Variants in TENM3 observed in about 807,000 individuals in gnomAD.
TENM3 encodes the protein teneurin transmembrane protein 3.
A neutral mutation model predicts 255.1 loss-of-function variants in TENM3; 63 were observed. The ratio of observed to expected loss-of-function variants is 0.25; its 90% CI spans 0.20 to 0.30. TENM3 has a LOEUF of 0.30. Ranked by LOEUF, TENM3 falls within the 10% of genes least tolerant of loss-of-function variation. TENM3 has a pLI of 1.00. For synonymous variants in TENM3, 1,306 were observed against 1,322.3 expected (o/e 0.99, Z 0.27); for missense variants, 2,929 against 3,461.1 (o/e 0.85, Z 3.86).
rs185590091 is a variant in TENM3 at position 182,662,009 on chromosome 4, A to G, written c.1111+8116A>G. On this transcript the variant is annotated intron_variant, in intron 6 of 27. Transcript: ENST00000511685. ...CAAAATAGTTTTCAAACAGATACCAAACCTCCTAATTACCAATATGACTTT... is the reference window on the plus strand; with the variant it reads ...CAAAATAGTTTTCAAACAGATACCAGACCTCCTAATTACCAATATGACTTT... 4.9e-4 allele frequency among the ~76,000 whole-genome samples: 75 copies of G among 152,204 alleles called. 1 individual carries two copies. The East Asian group carries it at 0.012, about 25-fold the overall frequency.
chr4:181,630,875 T>C, the TENM3 span, among the ~76,000 whole-genome samples: 1 of 152,166 alleles, frequency 6.6e-6, no homozygotes, highest in Non-Finnish European at 1.5e-5. Flanking sequence ...GCACACATTT[T>C]TTATTGATGG....
chr4:182,769,599 T>C (rs1191589756), intron 22 of TENM3, among the ~76,000 whole-genome samples: 1 of 151,074 alleles, frequency 6.6e-6, no homozygotes, highest in East Asian at 2.0e-4. Flanking sequence ...CTGGCCAAGA[T>C]GGTGAAACCC....
intron 3 of TENM3, among the ~76,000 whole-genome samples, chr4:182,416,144 C>T (rs1420603705): frequency 6.6e-6 from 1 of 152,124 alleles, no homozygotes; most frequent in African/African-American, 2.4e-5. Context: ...TTAATTCACA[C>T]ACCAAGATAG....
Position 182,628,861 on chromosome 4 carries a change from C to T in TENM3, c.960C>T (p.Leu320=), listed in dbSNP as rs1296816443. Residue 320 remains leucine, a synonymous_variant, in exon 5 of 28, where the codon CTC becomes CTT. Coordinates refer to ENST00000511685, the MANE Select transcript of TENM3 (RefSeq NM_001080477.4). ...TGTGTGCCGTAGGGGTCTCGGTGCT[C>T]CTGGCAATACTCCTGTCTTATTTTA... The part of the protein sequence containing the change: ...TALCAVGVSV[L]LAILLSYFIA... 6.2e-7 allele frequency: 1 copy of T among 1,603,964 alleles called. No individual in the cohort carries two copies. The highest frequency in any genetic ancestry group is 1.7e-5 in the Admixed American group (1 of 58,840).
the TENM3 span, among the ~76,000 whole-genome samples, chr4:182,000,647 A>G: frequency 5.0e-3 from 762 of 152,258 alleles, 5 homozygotes; most frequent in African/African-American, 0.017. Flanking sequence ...AAATGTTTAA[A>G]CCAGTACAAA....
At chr4:182,370,746 G>A (rs949216278) in intron 3 of TENM3, among the ~76,000 whole-genome samples, 2 of 152,148 alleles carry the variant, frequency 1.3e-5, no homozygotes, top group African/African-American at 4.8e-5. Flanking sequence ...TTATTTCACT[G>A]TGAGAATATT....
chr4:182,297,903 C>T (rs1761595942), intron 1 of TENM3, among the ~76,000 whole-genome samples: 1 of 152,206 alleles, frequency 6.6e-6, no homozygotes, highest in Admixed American at 6.5e-5. Context: ...CATTCACACT[C>T]ATGGACTTTC....
At chr4:182,600,411 C>T (rs1031900470) in intron 3 of TENM3, among the ~76,000 whole-genome samples, 3 of 152,072 alleles carry the variant, frequency 2.0e-5, no homozygotes, top group African/African-American at 7.2e-5. Flanking sequence ...ATGCACTAAA[C>T]AAGAGTAGTC....
the TENM3 span, among the ~76,000 whole-genome samples, chr4:181,858,349 T>A: frequency 6.6e-6 from 1 of 152,296 alleles, no homozygotes; most frequent in Non-Finnish European, 1.5e-5. Flanking sequence ...TATTGGAAAA[T>A]TTGTGGGGGG....
At chr4:182,103,236 T>C in the TENM3 span, among the ~76,000 whole-genome samples, 1 of 152,234 alleles carries the variant, frequency 6.6e-6, no homozygotes, top group African/African-American at 2.4e-5. Flanking sequence ...AGTGAGTTCA[T>C]TCTAGAGAAT....
At chr4:182,474,512 C>T (rs1733478566) in intron 3 of TENM3, among the ~76,000 whole-genome samples, 1 of 152,170 alleles carries the variant, frequency 6.6e-6, no homozygotes, top group South Asian at 2.1e-4. Context: ...ATTGTGGCAA[C>T]TCAAAAACTT....
At chr4:181,663,123 G>A in the TENM3 span, among the ~76,000 whole-genome samples, 1 of 152,066 alleles carries the variant, frequency 6.6e-6, no homozygotes, top group Non-Finnish European at 1.5e-5. Context: ...TTTCTGCAGG[G>A]TCTGAAAAAT....
At chr4:181,501,554 A>AT in the TENM3 span, among the ~76,000 whole-genome samples, 2 of 151,726 alleles carry the variant, frequency 1.3e-5, no homozygotes, top group African/African-American at 4.8e-5. Flanking sequence ...ATTGTTTTGT[A>AT]TTTTTAGTAG....
chr4:182,123,129 G>A, the TENM3 span, among the ~76,000 whole-genome samples: 1 of 152,168 alleles, frequency 6.6e-6, no homozygotes, highest in Non-Finnish European at 1.5e-5. Context: ...TTTGGCTTAA[G>A]GGAATTTCAT....
At chr4:181,548,334 T>A in the TENM3 span, among the ~76,000 whole-genome samples, 1 of 152,166 alleles carries the variant, frequency 6.6e-6, no homozygotes, top group Non-Finnish European at 1.5e-5. Context: ...GGATTATAAA[T>A]CATGCTGCCA....
chr4:182,288,922 G>A (rs901370390), intron 1 of TENM3, among the ~76,000 whole-genome samples: 1 of 152,180 alleles, frequency 6.6e-6, no homozygotes, highest in African/African-American at 2.4e-5. Flanking sequence ...ACTGGCCACC[G>A]ATTTTAAAGA....
chr4:181,773,489 T>G, the TENM3 span, among the ~76,000 whole-genome samples: 1 of 152,328 alleles, frequency 6.6e-6, no homozygotes, highest in African/African-American at 2.4e-5. Flanking sequence ...TGCTCCAAAC[T>G]TATGCTGTAA....
At chr4:182,736,675 T>C (rs1210533954) in intron 16 of TENM3, 133 bp from the exon 17 acceptor site, 2 of 858,480 alleles carry the variant, frequency 2.3e-6, no homozygotes, top group Non-Finnish European at 3.5e-6. Flanking sequence ...AAGCACATTG[T>C]CTTTGTGAGT....
chr4:182,634,811 C>T (rs1434390518), intron 5 of TENM3, among the ~76,000 whole-genome samples: 3 of 151,714 alleles, frequency 2.0e-5, no homozygotes, highest in East Asian at 1.9e-4. Context: ...CACCGTTACA[C>T]GATGGGTAGG....
Sources: allele counts gnomAD v4.1 joint callset (sites outside exome capture counted in the v4.1 genomes callset), GRCh38; gene constraint gnomAD v4.1.1; transcripts MANE v1.5; gene names NCBI Gene and HGNC (gene_info 2026-07-23, HGNC 2026-07-21).